SPSB4: variants seen among roughly 807,000 people sequenced by gnomAD.
The protein encoded by SPSB4 is splA/ryanodine receptor domain and SOCS box containing 4, also known as SPRY domain-containing SOCS box protein 4.
SPSB4 carries 21 observed loss-of-function variants against 20.9 expected under a neutral mutation model. The observed-to-expected ratio is 1.01, with a 90% CI of 0.71 to 1.45. The LOEUF is 1.45. Ranked by LOEUF, SPSB4 falls within the 40% of genes most tolerant of loss-of-function variation. SPSB4 has a pLI of 0.00. For missense variants in SPSB4, 399 were observed against 399.2 expected, an observed-to-expected ratio of 1.00 and a Z score of 0.00; for synonymous variants, 207 against 183.8, an observed-to-expected ratio of 1.13 and a Z score of -1.02.
intron 2 of SPSB4, among the ~76,000 whole-genome samples, chr3:141,079,086 C>T (rs1938172849): frequency 6.6e-6 from 1 of 151,954 alleles, no homozygotes; most frequent in African/African-American, 2.4e-5. Context: ...ATGGTGAAAC[C>T]CCGTCTCTAC....
chr3:141,105,702 T>C (rs986154603), intron 2 of SPSB4, among the ~76,000 whole-genome samples: 3 of 152,162 alleles, frequency 2.0e-5, no homozygotes, highest in African/African-American at 4.8e-5. Flanking sequence ...CACTCCCTCA[T>C]TGACAGGGTT....
chr3:141,126,255 A>G (rs1226524136), intron 2 of SPSB4, among the ~76,000 whole-genome samples: 2 of 152,204 alleles, frequency 1.3e-5, no homozygotes, highest in East Asian at 3.8e-4. Context: ...TCCTGAACCC[A>G]GTCACCTCTG....
chr3:141,088,651 GT>G (rs1289933828), intron 2 of SPSB4, among the ~76,000 whole-genome samples: 1 of 152,184 alleles, frequency 6.6e-6, no homozygotes, highest in African/African-American at 2.4e-5. Flanking sequence ...CCATGGTTAA[GT>G]GCCCCCAGCT....
chr3:141,114,823 G>T (rs907043074), intron 2 of SPSB4, among the ~76,000 whole-genome samples: 2 of 152,124 alleles, frequency 1.3e-5, no homozygotes, highest in Non-Finnish European at 2.9e-5. Context: ...GCTACCCCTT[G>T]TCTACGGTAA....
At chr3:141,117,482 C>T (rs1024205168) in intron 2 of SPSB4, among the ~76,000 whole-genome samples, 1 of 152,202 alleles carries the variant, frequency 6.6e-6, no homozygotes. Flanking sequence ...GTAACTTTCT[C>T]ATTCAATTTT....
Position 141,098,466 on chromosome 3 carries a change from T to C in SPSB4, c.694+31668T>C, listed in dbSNP as rs368146118. On this transcript the variant is annotated intron_variant, in intron 2 of 2. Coordinates refer to ENST00000310546, the MANE Select transcript of SPSB4 (RefSeq NM_080862.3). ...TGTTATATCTTTTAGTATATTTAAT[T>C]TTTTTCTTACAAGTCTTACATAATT... 1.6e-4 allele frequency among the ~76,000 whole-genome samples: 24 copies of C among 152,296 alleles called. No homozygotes were observed. The East Asian group carries it at 4.6e-3, about 29-fold the overall frequency.
rs374341878 is a variant in SPSB4 at position 141,084,141 on chromosome 3, C to T, written c.694+17343C>T. ...TACTTCCTCTCCCAGAGAGTAACAGCATCTGATGCAGACCCAGGGAGACAG... is the reference window on the plus strand; with the variant it reads ...TACTTCCTCTCCCAGAGAGTAACAGTATCTGATGCAGACCCAGGGAGACAG... On this transcript the variant is annotated intron_variant, in intron 2 of 2. Coordinates refer to ENST00000310546, the MANE Select transcript of SPSB4 (RefSeq NM_080862.3). Among the ~76,000 whole-genome samples, 76 of 152,340 alleles carry T rather than the reference C, an allele frequency of 5.0e-4. 1 individual carries two copies. Among genetic ancestry groups the T allele is most frequent in the African/African-American group, 1.7e-3 (72 of 41,580 alleles).
chr3:141,145,562 T>G (rs984061420), intron 2 of SPSB4, among the ~76,000 whole-genome samples: 1 of 152,244 alleles, frequency 6.6e-6, no homozygotes, highest in Non-Finnish European at 1.5e-5. Flanking sequence ...TGTGGTACTA[T>G]TCCTATCACA....
At chr3:141,131,112 G>A (rs1939123052) in intron 2 of SPSB4, among the ~76,000 whole-genome samples, 1 of 152,138 alleles carries the variant, frequency 6.6e-6, no homozygotes, top group African/African-American at 2.4e-5. Context: ...TAAGGCAAGG[G>A]GCCTGTTACG....
chr3:141,065,343 C>T (rs939166508), intron 1 of SPSB4, among the ~76,000 whole-genome samples: 17 of 152,170 alleles, frequency 1.1e-4, no homozygotes, highest in African/African-American at 3.4e-4. Flanking sequence ...TGTGTCTTGC[C>T]GCTCAAGCCT....
chr3:141,114,351 C>T (rs1938852312), intron 2 of SPSB4, among the ~76,000 whole-genome samples: 1 of 152,194 alleles, frequency 6.6e-6, no homozygotes, highest in African/African-American at 2.4e-5. Context: ...CTGCAGCTGA[C>T]CTGGCACGTG....
intron 2 of SPSB4, among the ~76,000 whole-genome samples, chr3:141,142,214 T>G (rs887090807): frequency 6.6e-6 from 1 of 152,260 alleles, no homozygotes; most frequent in Non-Finnish European, 1.5e-5. Flanking sequence ...GCTTTGACTG[T>G]ATCCAAGAGG....
intron 1 of SPSB4, among the ~76,000 whole-genome samples, chr3:141,060,636 G>T (rs1937743297): frequency 6.6e-6 from 1 of 152,236 alleles, no homozygotes; most frequent in African/African-American, 2.4e-5. Flanking sequence ...CTGAATAAAT[G>T]CTGGAAGTAG....
At chr3:141,122,733 G>A (rs550483679) in intron 2 of SPSB4, among the ~76,000 whole-genome samples, 13 of 152,354 alleles carry the variant, frequency 8.5e-5, no homozygotes, top group South Asian at 2.1e-4. Context: ...CTCCGTGGGC[G>A]TGGGACCCGC....
chr3:141,062,314 TA>T (rs1937781624), intron 1 of SPSB4, among the ~76,000 whole-genome samples: 1 of 151,870 alleles, frequency 6.6e-6, no homozygotes, highest in East Asian at 1.9e-4. Context: ...TAGATTAATA[TA>T]ATAGTAATAT....
intron 1 of SPSB4, among the ~76,000 whole-genome samples, chr3:141,061,061 C>T (rs1937750101): frequency 6.6e-6 from 1 of 152,088 alleles, no homozygotes; most frequent in Non-Finnish European, 1.5e-5. Flanking sequence ...TTTGTTATTT[C>T]CCATTTTCAT....
In SPSB4 at chr3:141,066,440, C is replaced by T. The variant is rs777974268; in HGVS notation, c.336C>T (p.His112=). The T allele has an allele frequency of 2.7e-6, 4 of 1,506,898 alleles. No homozygotes were observed. The highest frequency in any genetic ancestry group is 2.1e-5 in the Admixed American group (1 of 47,302). 93.3% of individuals were successfully genotyped at this position (1,506,898 alleles called of 1,614,324 possible). Residue 112 remains histidine, a synonymous_variant, in exon 2 of 3, where the codon CAC becomes CAT. Coordinates refer to ENST00000310546, the MANE Select transcript of SPSB4 (RefSeq NM_080862.3). ...INWPARQRGT[H]AVVGVATARA... ...GGCCGGCTCGGCAGCGCGGCACCCA[C>T]GCTGTAGTTGGTGTGGCCACGGCCC...
chr3:141,080,691 T>A (rs1312437441), intron 2 of SPSB4, among the ~76,000 whole-genome samples: 1 of 152,232 alleles, frequency 6.6e-6, no homozygotes, highest in African/African-American at 2.4e-5. Context: ...ACCACCATGC[T>A]GCGCAAGCCA....
intron 2 of SPSB4, among the ~76,000 whole-genome samples, chr3:141,073,457 A>T (rs183924578): frequency 1.4e-3 from 217 of 152,354 alleles, no homozygotes; most frequent in Non-Finnish European, 2.4e-3. Flanking sequence ...TGAGGTGTCT[A>T]ATTCAGCCAG....
Sources: gnomAD v4.1 joint callset for allele counts (sites outside exome capture counted in the v4.1 genomes callset) on GRCh38, gnomAD v4.1.1 for gene constraint, MANE v1.5 for transcripts, NCBI Gene and HGNC (gene_info 2026-07-23, HGNC 2026-07-21) for gene names.